The following CNTN1 variants were observed in gnomAD, a reference collection of about 807,000 sequenced individuals.
CNTN1 encodes the protein contactin 1.
Under a neutral mutation model 126.4 loss-of-function variants are expected in CNTN1, and 38 were observed. The observed-to-expected ratio is 0.30, with a 90% CI of 0.23 to 0.39. The LOEUF (loss-of-function observed/expected upper bound fraction) is 0.39, where lower values mean the gene tolerates loss of function less well. Ranked by LOEUF, CNTN1 falls within the 10% of genes least tolerant of loss-of-function variation. The probability of loss-of-function intolerance (pLI) is 1.00; values close to 1 mark genes in which losing one functional copy is unlikely to be tolerated. For missense variants in CNTN1, 1,009 were observed against 1,248.4 expected (o/e 0.81, Z 2.89); for synonymous variants, 413 against 422.6 (o/e 0.98, Z 0.28).
At chr12:40,998,654 G>T (rs1948279849) in intron 17 of CNTN1, among the ~76,000 whole-genome samples, 1 of 151,846 alleles carries the variant, frequency 6.6e-6, no homozygotes, top group Admixed American at 6.6e-5. Flanking sequence ...TGATTTTTTT[G>T]ATAGCTCTTC....
chr12:41,049,708 C>T (rs150515795), intron 23 of CNTN1, among the ~76,000 whole-genome samples: 1 of 152,146 alleles, frequency 6.6e-6, no homozygotes, highest in African/African-American at 2.4e-5. Context: ...GCACAAAAAC[C>T]TTTAATGGCT....
intron 1 of CNTN1, among the ~76,000 whole-genome samples, chr12:40,892,452 G>C (rs1363817617): frequency 6.6e-6 from 1 of 152,040 alleles, no homozygotes; most frequent in Admixed American, 6.6e-5. Flanking sequence ...ATGAGAGGCT[G>C]TATTAGGTTA....
chr12:40,838,866 C>T (rs1338533224), intron 1 of CNTN1, among the ~76,000 whole-genome samples: 2 of 151,196 alleles, frequency 1.3e-5, no homozygotes, highest in Non-Finnish European at 3.0e-5. Context: ...CATGAAAAAA[C>T]AAGGAAATGT....
At chr12:40,784,972 G>A (rs1283367290) in intron 1 of CNTN1, among the ~76,000 whole-genome samples, 1 of 152,040 alleles carries the variant, frequency 6.6e-6, no homozygotes, top group Non-Finnish European at 1.5e-5. Flanking sequence ...CCTTCGTAGT[G>A]TGAACCTAAA....
chr12:40,980,267 T>G (rs1165619111), intron 15 of CNTN1, among the ~76,000 whole-genome samples: 1 of 151,860 alleles, frequency 6.6e-6, no homozygotes, highest in East Asian at 1.9e-4. Flanking sequence ...ACCCAGTCTC[T>G]GCAAAAGAGT....
At chr12:40,957,478 G>T (rs78292523) in intron 14 of CNTN1, among the ~76,000 whole-genome samples, 46 of 149,360 alleles carry the variant, frequency 3.1e-4, no homozygotes, top group Non-Finnish European at 1.5e-5. Flanking sequence ...ACCAGTTCCA[G>T]CTCCTTCAGT....
chr12:40,810,550 C>T (rs761652878), intron 1 of CNTN1, among the ~76,000 whole-genome samples: 6 of 152,006 alleles, frequency 3.9e-5, no homozygotes, highest in African/African-American at 7.2e-5. Flanking sequence ...CCACCACACC[C>T]TAACATCTAG....
chr12:40,965,615 TCATTAA>T (rs1485979645), intron 15 of CNTN1, among the ~76,000 whole-genome samples: 1 of 152,100 alleles, frequency 6.6e-6, no homozygotes, highest in Non-Finnish European at 1.5e-5. Context: ...ACAGATGTAA[TCATTAA>T]TTCTTGGATT....
intron 16 of CNTN1, among the ~76,000 whole-genome samples, chr12:40,985,148 C>T (rs1947926779): frequency 6.6e-6 from 1 of 151,888 alleles, no homozygotes; most frequent in South Asian, 2.1e-4. Flanking sequence ...AATATATTTG[C>T]TTGGATATGA....
intron 1 of CNTN1, among the ~76,000 whole-genome samples, chr12:40,894,981 T>C (rs988703718): frequency 1.3e-5 from 2 of 152,330 alleles, no homozygotes; most frequent in East Asian, 3.9e-4. Flanking sequence ...GATTCTTTTC[T>C]TTAATAAATT....
intron 14 of CNTN1, among the ~76,000 whole-genome samples, chr12:40,954,201 T>C (rs1412181346): frequency 1.3e-5 from 2 of 152,068 alleles, no homozygotes; most frequent in African/African-American, 2.4e-5. Flanking sequence ...TTTCCAAATA[T>C]AACTATCATT....
intron 1 of CNTN1, among the ~76,000 whole-genome samples, chr12:40,864,363 A>G (rs1047690182): frequency 1.3e-5 from 2 of 151,924 alleles, no homozygotes; most frequent in African/African-American, 4.8e-5. Flanking sequence ...GATATTATTC[A>G]CATACCCTAC....
intron 17 of CNTN1, among the ~76,000 whole-genome samples, chr12:40,997,174 G>T (rs560521743): frequency 6.6e-6 from 1 of 152,308 alleles, no homozygotes; most frequent in African/African-American, 2.4e-5. Context: ...TTTGACTGTA[G>T]AAAAGAGATA....
At chr12:40,916,061 G>A (rs1362885381) in intron 3 of CNTN1, among the ~76,000 whole-genome samples, 1 of 151,960 alleles carries the variant, frequency 6.6e-6, no homozygotes, top group Non-Finnish European at 1.5e-5. Flanking sequence ...GTACTTAGAA[G>A]ATCTTTATGA....
intron 1 of CNTN1, among the ~76,000 whole-genome samples, chr12:40,763,980 C>T (rs1938973227): frequency 6.6e-6 from 1 of 152,002 alleles, no homozygotes; most frequent in African/African-American, 2.4e-5. Context: ...GAGATGGGGG[C>T]GGAAATAGCA....
intron 15 of CNTN1, chr12:40,972,449 G>A (rs1014449561): frequency 1.0e-6 from 1 of 982,770 alleles, no homozygotes; most frequent in South Asian, 4.7e-5. Flanking sequence ...TTGTGTTTAG[G>A]TATGAGTTTC....
chr12:41,054,430 A>G (rs1949757406), intron 23 of CNTN1, among the ~76,000 whole-genome samples: 1 of 152,012 alleles, frequency 6.6e-6, no homozygotes, highest in African/African-American at 2.4e-5. Flanking sequence ...GGTTAGTTAT[A>G]CACAAGATGA....
At chr12:40,719,353 T>C (rs1162110322) in intron 1 of CNTN1, among the ~76,000 whole-genome samples, 2 of 152,208 alleles carry the variant, frequency 1.3e-5, no homozygotes, top group African/African-American at 4.8e-5. Flanking sequence ...ATGGAGGCTT[T>C]ATATATAGGC....
Position 40,908,338 on chromosome 12 carries a change from CT to C in CNTN1, c.-76-15del. The C allele has an allele frequency of 1.2e-6, 1 of 859,182 alleles. No individual in the cohort carries two copies. The allele number at this position is 859,182 out of a possible 1,614,324, so 53.2% of individuals were successfully genotyped here. On this transcript the variant is annotated intron_variant, in intron 1 of 23. Coordinates refer to ENST00000551295, the MANE Select transcript of CNTN1 (RefSeq NM_001843.4). ...TCCTTCTAATTCTTTCCTTCTTCTT[CT>C]TTTCTTTCTTGATGCAGGTGTTTAA...
Sources: gnomAD v4.1 joint callset for allele counts (sites outside exome capture counted in the v4.1 genomes callset) on GRCh38, gnomAD v4.1.1 for gene constraint, MANE v1.5 for transcripts, NCBI Gene and HGNC (gene_info 2026-07-23, HGNC 2026-07-21) for gene names.